The following ABCC5 variants were observed in gnomAD, a reference collection of about 807,000 sequenced individuals.
ABCC5 encodes ATP-binding cassette sub-family C member 5.
ABCC5 carries 61 observed loss-of-function variants against 160.9 expected under a neutral mutation model. The ratio of observed to expected loss-of-function variants is 0.38; its 90% CI spans 0.31 to 0.47. The LOEUF (loss-of-function observed/expected upper bound fraction) is 0.47, where lower values mean the gene tolerates loss of function less well. Among genes scored for constraint, ABCC5 ranks in the 20% least tolerant of loss-of-function variants. ABCC5 has a pLI of 0.99. For missense variants in ABCC5, 1,308 were observed against 1,813.3 expected, an observed-to-expected ratio of 0.72 and a Z score of 5.06; for synonymous variants, 666 against 700.6, an observed-to-expected ratio of 0.95 and a Z score of 0.78.
chr3:183,928,054 G>A (rs1438907703), intron 27 of ABCC5, among the ~76,000 whole-genome samples: 1 of 151,968 alleles, frequency 6.6e-6, no homozygotes, highest in Non-Finnish European at 1.5e-5. Context: ...CAAAATGTCT[G>A]TGGTCCATGG....
At chr3:183,946,031 A>T in intron 23 of ABCC5, 92 bp from the exon 24 acceptor site, 3 of 1,177,300 alleles carry the variant, frequency 2.5e-6, no homozygotes, top group Non-Finnish European at 3.8e-6. Context: ...GAGGACTACT[A>T]AGAACTGAGC....
At position 183,987,951 on chromosome 3, in the gene ABCC5, C is replaced by G. The variant is rs765083949; in HGVS notation, c.444-34G>C. 3 of 1,605,342 alleles carry G rather than the reference C, an allele frequency of 1.9e-6. No homozygotes were observed. The South Asian group carries it at 3.3e-5, about 18-fold the overall frequency. On this transcript the variant is annotated intron_variant, in intron 4 of 29. Coordinates refer to ENST00000334444, the MANE Select transcript of ABCC5 (RefSeq NM_005688.4). This position sits in a 1 kb window ranked among gnomAD's most constrained non-coding sequence, Gnocchi z 4.2. ...GGGCACACGTCCTCGTTACACATCT[C>G]CTCGGGGGAAAGGCACACCTAGCTC...
chr3:184,009,752 G>A (rs1423867891), intron 2 of ABCC5: 1 of 202,026 alleles, frequency 4.9e-6, no homozygotes, highest in Non-Finnish European at 1.0e-5. Flanking sequence ...GTTTTGCTAG[G>A]TCTAGACTAA....
intron 2 of ABCC5, among the ~76,000 whole-genome samples, chr3:183,993,494 A>AAT (rs1433505670): frequency 1.8e-5 from 2 of 113,294 alleles, no homozygotes; most frequent in Non-Finnish European, 3.8e-5. Flanking sequence ...AAAAAAAAAA[A>AAT]AAAAAAAAAA....
At chr3:183,924,057 C>A (rs952797385) in intron 29 of ABCC5, among the ~76,000 whole-genome samples, 1 of 147,564 alleles carries the variant, frequency 6.8e-6, no homozygotes, top group African/African-American at 2.5e-5. Context: ...ACTCTGTCAC[C>A]CAGGCTGGAG....
At chr3:183,993,104 T>G (rs557052597) in intron 2 of ABCC5, among the ~76,000 whole-genome samples, 1 of 152,334 alleles carries the variant, frequency 6.6e-6, no homozygotes, top group Admixed American at 6.5e-5. Context: ...TAGTTTTCCC[T>G]TTCATCAAAA....
At chr3:183,940,980 T>C (rs952466310) in intron 25 of ABCC5, among the ~76,000 whole-genome samples, 1 of 152,104 alleles carries the variant, frequency 6.6e-6, no homozygotes, top group Non-Finnish European at 1.5e-5. Flanking sequence ...TGCTTCAGCC[T>C]CCCGAGTAGC....
chr3:183,937,936 A>T lies in ABCC5; in HGVS notation c.3819T>A (p.Ile1273=), dbSNP rs1325492315. The T allele has an allele frequency of 6.2e-7, 1 of 1,614,124 alleles. No individual in the cohort carries two copies. Among genetic ancestry groups the T allele is most frequent in the Non-Finnish European group, 8.5e-7 (1 of 1,180,028 alleles). Residue 1273 remains isoleucine, a synonymous_variant, in exon 26 of 30, where the codon ATT becomes ATA. Transcript: ENST00000334444. ...CACTGAACAGCACCGGCTCTTGAGG[A>T]ATGATAGAGAGTTTGCTTCGGAGGT... ...LADLRSKLSI[I]PQEPVLFSGT...
intron 2 of ABCC5, among the ~76,000 whole-genome samples, chr3:184,013,286 C>T (rs778903890): frequency 1.6e-4 from 25 of 152,126 alleles, no homozygotes; most frequent in Non-Finnish European, 3.5e-4. Context: ...GACGGAGTCT[C>T]ACTCTGTTGC....
At position 183,921,388 on chromosome 3, in the gene ABCC5, T is replaced by C. The variant is rs1487836799; in HGVS notation, c.4226A>G (p.Asp1409Gly). ...VLAQGQVVEFDTPSVLLSNDS... is the reference protein window; with the variant it reads ...VLAQGQVVEFGTPSVLLSNDS... ...GTTGGACAGAAGGACCGATGGGGTG[T>C]CAAACTCCACCACCTGCAAAAGAAG... The change falls in exon 30 of 30, where the codon GAC (aspartate) becomes GGC (glycine). Residue 1409 changes from aspartate to glycine, a missense_variant. Physicochemically the swap from Asp to Gly is moderately conservative, Grantham distance 94. This residue lies in a region of ABCC5 where 163 missense variants were observed against 269.7 expected (regional missense o/e 0.60). Transcript: ENST00000334444. This position sits in a 1 kb window ranked among gnomAD's most constrained non-coding sequence, Gnocchi z 4.1. 2 of 1,612,708 alleles carry C rather than the reference T, an allele frequency of 1.2e-6. No homozygotes were observed. Among genetic ancestry groups the C allele is most frequent in the South Asian group, 2.2e-5 (2 of 90,852 alleles).
intron 8 of ABCC5, among the ~76,000 whole-genome samples, chr3:183,978,991 T>A (rs1048269984): frequency 3.3e-5 from 5 of 152,212 alleles, no homozygotes; most frequent in Admixed American, 3.3e-4. Context: ...TGTTGTTGAC[T>A]TTTTGCCTAA....
chr3:183,990,127 G>A, intron 2 of ABCC5, among the ~76,000 whole-genome samples: 1 of 151,386 alleles, frequency 6.6e-6, no homozygotes, highest in Non-Finnish European at 1.5e-5. Flanking sequence ...TTTTATTTTT[G>A]AGATGGAGTC....
In ABCC5 at chr3:183,949,910, G is replaced by C; in HGVS notation, c.3099-29C>G. On this transcript the variant is annotated intron_variant, in intron 21 of 29. Coordinates refer to ENST00000334444, the MANE Select transcript of ABCC5 (RefSeq NM_005688.4). The surrounding 1 kb of genome is among the most constrained non-coding windows in gnomAD (Gnocchi z 4.2). Reference sequence around the variant, plus strand: ...GAGAGAGAATGAGCTCCGTGTCACAGCACCTACCCAGCAACTGAGGCTTCT... The same window carrying C: ...GAGAGAGAATGAGCTCCGTGTCACACCACCTACCCAGCAACTGAGGCTTCT... The C allele has an allele frequency of 1.9e-6, 3 of 1,614,062 alleles. No individual in the cohort carries two copies. The African/African-American group carries it at 4.0e-5, about 22-fold the overall frequency.
chr3:183,962,530 T>C (rs920171498), intron 15 of ABCC5, among the ~76,000 whole-genome samples: 1 of 151,460 alleles, frequency 6.6e-6, no homozygotes, highest in Non-Finnish European at 1.5e-5. Context: ...TCCAGTTTTT[T>C]TCTTTTTTTT....
Position 183,964,273 on chromosome 3 carries a change from C to T in ABCC5, c.2032-685G>A, listed in dbSNP as rs140232545. On this transcript the variant is annotated intron_variant, in intron 14 of 29. Coordinates refer to ENST00000334444, the MANE Select transcript of ABCC5 (RefSeq NM_005688.4). ...ATCCTCTTAACTGTACACTTCTTTA[C>T]GTGCAGATTATTGTCTTATTCCTTT... 1.0e-3 allele frequency among the ~76,000 whole-genome samples: 155 copies of T among 152,320 alleles called. No individual in the cohort carries two copies. In the Middle Eastern group the frequency reaches 0.017, roughly 17 times the overall value.
intron 2 of ABCC5, among the ~76,000 whole-genome samples, chr3:184,011,936 T>A (rs992948084): frequency 4.0e-5 from 6 of 151,872 alleles, no homozygotes; most frequent in Non-Finnish European, 8.8e-5. Flanking sequence ...TAACGAGAGA[T>A]CCTTGTGATG....
At chr3:184,016,871 G>T (rs566951229) in intron 1 of ABCC5, among the ~76,000 whole-genome samples, 1 of 152,282 alleles carries the variant, frequency 6.6e-6, no homozygotes, top group African/African-American at 2.4e-5. Context: ...TGCATGGCAG[G>T]AGGAGAGTTG....
At position 183,945,757 on chromosome 3, in the gene ABCC5, A is replaced by T. The variant is rs955730530; in HGVS notation, c.3504+93T>A. On this transcript the variant is annotated intron_variant, in intron 24 of 29. Transcript: ENST00000334444. ...GTGGGATTAGATAGGCAGAGAACAC[A>T]AGCCTCCTCCTTGTACACCCAGCTG... 16 of 967,336 alleles carry T rather than the reference A, an allele frequency of 1.7e-5. No individual in the cohort carries two copies. The African/African-American group carries it at 2.1e-4, about 13-fold the overall frequency. The allele number at this position is 967,336 out of a possible 1,614,324, so 59.9% of individuals were successfully genotyped here.
rs148758874 is a variant in ABCC5, at chr3:184,007,944, C to T, written c.129+6320G>A. Among the ~76,000 whole-genome samples the T allele has an allele frequency of 4.2e-3, 643 of 152,296 alleles. 6 individuals are homozygous for T. The highest frequency in any genetic ancestry group is 0.015 in the African/African-American group (618 of 41,562). ...TCAATACCAACAAGGACTAGGTATC[C>T]CTATCCCACAACTCTTTCTTTTGCC... is the stretch of plus-strand genomic sequence containing the variant. On this transcript the variant is annotated intron_variant, in intron 2 of 29. Coordinates refer to ENST00000334444, the MANE Select transcript of ABCC5 (RefSeq NM_005688.4).
Sources: gnomAD v4.1 joint callset for allele counts (sites outside exome capture counted in the v4.1 genomes callset) on GRCh38, gnomAD v4.1.1 for gene constraint, gnomAD v4.1.1 regional missense constraint, Gnocchi (gnomAD v3.1) non-coding constraint, MANE v1.5 for transcripts, NCBI Gene and HGNC (gene_info 2026-07-23, HGNC 2026-07-21) for gene names.